CERK: variants seen among roughly 807,000 people sequenced by gnomAD.
CERK encodes acylsphingosine kinase.
In CERK, 39 loss-of-function variants were observed where a neutral mutation model predicts 63.4. That is an observed-to-expected ratio of 0.61 (90% CI 0.48 to 0.80). The LOEUF is 0.80. Ranked by LOEUF, CERK falls within the 30% of genes least tolerant of loss-of-function variation. CERK has a pLI of 0.00. For missense variants in CERK, 670 were observed against 714.1 expected, an observed-to-expected ratio of 0.94 and a Z score of 0.70; for synonymous variants, 302 against 280.0, an observed-to-expected ratio of 1.08 and a Z score of -0.78.
chr22:46,734,067 C>CATATATATATATATATATATATATATAT, intron 1 of CERK, among the ~76,000 whole-genome samples: 1 of 145,404 alleles, frequency 6.9e-6, no homozygotes, highest in African/African-American at 2.5e-5. Flanking sequence ...TACATACATA[C>CATATATATATATATATATATATATATAT]ATATATATAT....
At chr22:46,735,737 G>A (rs556258998) in intron 1 of CERK, among the ~76,000 whole-genome samples, 4 of 152,148 alleles carry the variant, frequency 2.6e-5, no homozygotes, top group African/African-American at 9.7e-5. Context: ...AATGGGGAGG[G>A]CTGGGCAATG....
intron 3 of CERK, among the ~76,000 whole-genome samples, chr22:46,719,153 T>C (rs2082880116): frequency 6.6e-6 from 1 of 150,970 alleles, no homozygotes; most frequent in Admixed American, 6.6e-5. Flanking sequence ...CCACTTTGTG[T>C]GTGTGTGTGT....
At chr22:46,708,767 A>T (rs368483469) in intron 5 of CERK, among the ~76,000 whole-genome samples, 24 of 152,186 alleles carry the variant, frequency 1.6e-4, no homozygotes, top group African/African-American at 5.8e-4. Flanking sequence ...AAGGCAGAGG[A>T]CAGGGCTCAG....
chr22:46,707,758 T>C, intron 6 of CERK, 85 bp downstream of exon 6: 2 of 1,453,136 alleles, frequency 1.4e-6, no homozygotes, highest in South Asian at 2.6e-5. Flanking sequence ...AATTGGGTTA[T>C]TAAGTGTCCG....
At chr22:46,693,524 C>T (rs771709020) in intron 9 of CERK, 21 bp from the exon 10 acceptor site, 2 of 1,607,890 alleles carry the variant, frequency 1.2e-6, no homozygotes, top group South Asian at 2.2e-5. Flanking sequence ...AGAATATCAT[C>T]ACCTTTTAAA....
chr22:46,737,951 A>G, intron 1 of CERK, 56 bp downstream of exon 1: 1 of 1,125,106 alleles, frequency 8.9e-7, no homozygotes, highest in Non-Finnish European at 1.1e-6. Flanking sequence ...GGGTCCCCCA[A>G]GCCGCCCCCG....
intron 1 of CERK, among the ~76,000 whole-genome samples, chr22:46,727,101 C>A (rs1028814882): frequency 6.6e-6 from 1 of 152,164 alleles, no homozygotes; most frequent in Non-Finnish European, 1.5e-5. Flanking sequence ...GCTCTGCAAC[C>A]CAGTGAGGCT....
At chr22:46,691,861 G>T in intron 10 of CERK, 84 bp from the exon 11 acceptor site, 1 of 1,067,820 alleles carries the variant, frequency 9.4e-7, no homozygotes. Flanking sequence ...AGGCCATTCG[G>T]GCTCTCACCT....
At chr22:46,722,977 G>A (rs1377857545) in intron 1 of CERK, among the ~76,000 whole-genome samples, 1 of 152,210 alleles carries the variant, frequency 6.6e-6, no homozygotes, top group Non-Finnish European at 1.5e-5. Context: ...GGGAAGGAAA[G>A]GGCGAGCGGC....
chr22:46,692,351 G>C (rs147487832), intron 10 of CERK, among the ~76,000 whole-genome samples: 1 of 150,662 alleles, frequency 6.6e-6, no homozygotes, highest in Non-Finnish European at 1.5e-5. Context: ...GCTTGAACCC[G>C]GAAGGCAGAG....
rs1569320930 is a variant in CERK at position 46,699,371 on chromosome 22, G to A, written c.885C>T (p.Asp295=). The A allele has an allele frequency of 6.2e-7, 1 of 1,614,178 alleles. No homozygotes were observed. Among genetic ancestry groups the A allele is most frequent in the Non-Finnish European group, 8.5e-7 (1 of 1,180,014 alleles). Residue 295 remains aspartate, a synonymous_variant, in exon 8 of 13, where the codon GAC becomes GAT. Coordinates refer to ENST00000216264, the MANE Select transcript of CERK (RefSeq NM_022766.6). Reference sequence around the variant, plus strand: ...GTTTCTTCTCACTGTCCTTGATGATGTCCCCGTAGAAGCCGTAGCCCAGCA... The same window carrying A: ...GTTTCTTCTCACTGTCCTTGATGATATCCCCGTAGAAGCCGTAGCCCAGCA... ...VSLLGYGFYG[D]IIKDSEKKRW...
chr22:46,700,192 G>A (rs1161935188), intron 7 of CERK, among the ~76,000 whole-genome samples: 1 of 151,956 alleles, frequency 6.6e-6, no homozygotes, highest in Non-Finnish European at 1.5e-5. Flanking sequence ...TCAGGAGTTC[G>A]AGACCAGCCT....
chr22:46,702,529 G>T (rs2082792245), intron 6 of CERK, among the ~76,000 whole-genome samples: 1 of 152,132 alleles, frequency 6.6e-6, no homozygotes, highest in Admixed American at 6.5e-5. Flanking sequence ...TTGACCTCGT[G>T]ATCCGCCCGC....
Position 46,685,565 on chromosome 22 carries a change from T to G in CERK, c.*1569A>C, listed in dbSNP as rs932359158. On this transcript the variant is annotated 3_prime_UTR_variant, in exon 13 of 13. Coordinates refer to ENST00000216264, the MANE Select transcript of CERK (RefSeq NM_022766.6). ...AGCAGCCCGTCTTAAATCTTTGGTT[T>G]CTTTCCAACCAGGAGCAAACATTGG... is the stretch of plus-strand genomic sequence containing the variant. The G allele has an allele frequency of 6.6e-6, 1 of 152,250 alleles. No individual in the cohort carries two copies. Among genetic ancestry groups the G allele is most frequent in the African/African-American group, 2.4e-5 (1 of 41,464 alleles). The allele number at this position is 152,250 out of a possible 1,614,324, so 9.4% of individuals were successfully genotyped here.
chr22:46,713,321 G>T (rs1004080935), intron 3 of CERK, among the ~76,000 whole-genome samples: 14 of 151,236 alleles, frequency 9.3e-5, no homozygotes, highest in African/African-American at 3.2e-4. Flanking sequence ...TGGCTAACAC[G>T]GTGAAATCCC....
intron 6 of CERK, among the ~76,000 whole-genome samples, chr22:46,703,120 G>A (rs529835414): frequency 4.6e-5 from 7 of 152,254 alleles, no homozygotes; most frequent in Admixed American, 2.6e-4. Context: ...GCTAACACCC[G>A]ATGAAGGACC....
intron 7 of CERK, among the ~76,000 whole-genome samples, chr22:46,699,927 A>C (rs1371291307): frequency 1.3e-5 from 2 of 152,154 alleles, no homozygotes; most frequent in African/African-American, 4.8e-5. Context: ...TGTCTCTACT[A>C]AACATATAAA....
In CERK at chr22:46,738,023, G is replaced by A. The variant is rs1484678475; in HGVS notation, c.126C>T (p.Ala42=). The A allele has an allele frequency of 2.5e-6, 3 of 1,190,734 alleles. No individual in the cohort carries two copies. The highest frequency in any genetic ancestry group is 3.2e-5 in the African/African-American group (2 of 61,816). 73.8% of individuals were successfully genotyped at this position (1,190,734 alleles called of 1,614,324 possible). The change falls in exon 1 of 13, where the codon GCC becomes GCT. Residue 42 remains alanine, a synonymous_variant. Coordinates refer to ENST00000216264, the MANE Select transcript of CERK (RefSeq NM_022766.6). Reference sequence around the variant, plus strand: ...GACACTCACCCGCGCCGGGGGCGCCGGCTCCGGGCCCCGGGCTCCGCCACC... The same window carrying A: ...GACACTCACCCGCGCCGGGGGCGCCAGCTCCGGGCCCCGGGCTCCGCCACC... ...LRWWRSPGPG[A]GAPGADACSV...
At chr22:46,719,424 C>T (rs1180263687) in intron 3 of CERK, among the ~76,000 whole-genome samples, 1 of 152,172 alleles carries the variant, frequency 6.6e-6, no homozygotes, top group Non-Finnish European at 1.5e-5. Context: ...GTAATCCCAG[C>T]ACTCCAGGAG....
Sources: gnomAD v4.1 joint callset for allele counts (sites outside exome capture counted in the v4.1 genomes callset) on GRCh38, gnomAD v4.1.1 for gene constraint, MANE v1.5 for transcripts, NCBI Gene and HGNC (gene_info 2026-07-23, HGNC 2026-07-21) for gene names.